UNC5C: variants seen among roughly 807,000 people sequenced by gnomAD.
UNC5C encodes the protein unc-5 netrin receptor C, also known as netrin receptor UNC5C.
A neutral mutation model predicts 99.8 loss-of-function variants in UNC5C; 47 were observed. That is an observed-to-expected ratio of 0.47 (90% CI 0.37 to 0.60). The LOEUF is 0.60. Ranked by LOEUF, UNC5C falls within the 20% of genes least tolerant of loss-of-function variation. The pLI is 0.00. For missense variants in UNC5C, 1,062 were observed against 1,165.9 expected (o/e 0.91, Z 1.30); for synonymous variants, 487 against 452.2 (o/e 1.08, Z -0.98).
intron 7 of UNC5C, among the ~76,000 whole-genome samples, chr4:95,232,148 A>G (rs1252558861): frequency 2.0e-5 from 3 of 151,972 alleles, no homozygotes; most frequent in African/African-American, 7.2e-5. Context: ...ATTAATATCA[A>G]ACTCATAGAT....
At chr4:95,206,902 C>CA (rs1737898890) in intron 10 of UNC5C, 106 bp from the exon 11 acceptor site, 17 of 510,856 alleles carry the variant, frequency 3.3e-5, no homozygotes, top group Non-Finnish European at 6.0e-6. Flanking sequence ...TCCTGGAATT[C>CA]TTTTTTTTTT....
chr4:95,198,898 A>G (rs1737540394), intron 12 of UNC5C, among the ~76,000 whole-genome samples: 1 of 152,216 alleles, frequency 6.6e-6, no homozygotes, highest in Non-Finnish European at 1.5e-5. Context: ...GATTTGGGAA[A>G]GTGTTTAGGA....
intron 1 of UNC5C, among the ~76,000 whole-genome samples, chr4:95,367,149 G>A (rs1007415774): frequency 2.0e-5 from 3 of 150,252 alleles, no homozygotes; most frequent in East Asian, 2.0e-4. Context: ...TCACTGGTAC[G>A]TCAGACCTAG....
At chr4:95,408,924 C>T (rs938623555) in intron 1 of UNC5C, among the ~76,000 whole-genome samples, 1 of 152,164 alleles carries the variant, frequency 6.6e-6, no homozygotes, top group Non-Finnish European at 1.5e-5. Flanking sequence ...ATTTGACTCA[C>T]ACCCACATCA....
chr4:95,375,800 G>A (rs757259658), intron 1 of UNC5C, among the ~76,000 whole-genome samples: 22 of 152,090 alleles, frequency 1.4e-4, no homozygotes, highest in Admixed American at 1.2e-3. Flanking sequence ...AGAATAGGCC[G>A]GGCGTGGTGG....
chr4:95,518,048 T>C (rs1278894282), intron 1 of UNC5C, among the ~76,000 whole-genome samples: 1 of 152,188 alleles, frequency 6.6e-6, no homozygotes, highest in Non-Finnish European at 1.5e-5. Context: ...TCTTTTTTCC[T>C]TAATGAGGAG....
chr4:95,396,861 T>C (rs988041035), intron 1 of UNC5C, among the ~76,000 whole-genome samples: 3 of 152,220 alleles, frequency 2.0e-5, no homozygotes, highest in African/African-American at 7.2e-5. Flanking sequence ...ATTTAGCTTA[T>C]TTAATCTTCA....
At chr4:95,430,912 G>A (rs749055345) in intron 1 of UNC5C, among the ~76,000 whole-genome samples, 2 of 152,004 alleles carry the variant, frequency 1.3e-5, no homozygotes, top group African/African-American at 4.8e-5. Context: ...CTTGAACATG[G>A]CTTTGAGGAA....
chr4:95,293,038 C>T (rs1021759362), intron 3 of UNC5C, among the ~76,000 whole-genome samples: 29 of 152,176 alleles, frequency 1.9e-4, no homozygotes, highest in Admixed American at 3.9e-4. Flanking sequence ...AGGGTTGAGG[C>T]CCGGATAGAC....
chr4:95,476,212 C>G (rs546844261), intron 1 of UNC5C, among the ~76,000 whole-genome samples: 3 of 152,132 alleles, frequency 2.0e-5, no homozygotes, highest in Non-Finnish European at 2.9e-5. Context: ...GCAGATTGCT[C>G]CATTAATGAG....
chr4:95,503,284 G>A (rs1456175479), intron 1 of UNC5C, among the ~76,000 whole-genome samples: 1 of 151,972 alleles, frequency 6.6e-6, no homozygotes, highest in South Asian at 2.1e-4. Context: ...CAGCAAGAAG[G>A]CCCTAGAAAG....
At chr4:95,373,321 A>G (rs1414592586) in intron 1 of UNC5C, among the ~76,000 whole-genome samples, 2 of 151,506 alleles carry the variant, frequency 1.3e-5, no homozygotes, top group Non-Finnish European at 2.9e-5. Context: ...ATTTCCTAAC[A>G]TTTTCTCCCT....
chr4:95,478,497 T>C (rs554176161), intron 1 of UNC5C, among the ~76,000 whole-genome samples: 1 of 152,108 alleles, frequency 6.6e-6, no homozygotes, highest in African/African-American at 2.4e-5. Flanking sequence ...ATCTCTCTTG[T>C]TATCTTTAGG....
intron 3 of UNC5C, among the ~76,000 whole-genome samples, chr4:95,294,901 G>T (rs1371906415): frequency 6.6e-6 from 1 of 152,036 alleles, no homozygotes; most frequent in Non-Finnish European, 1.5e-5. Flanking sequence ...TCTTTTTCAT[G>T]CTATGGTTGA....
chr4:95,248,660 G>A lies in UNC5C; in HGVS notation c.775+1827C>T, dbSNP rs1182712465. The A allele has an allele frequency of 7.0e-4, 307 of 435,698 alleles. 2 individuals are homozygous for A. The highest frequency in any genetic ancestry group is 9.6e-5 in the Non-Finnish European group (21 of 218,634). The allele number at this position is 435,698 out of a possible 1,614,324, so 27.0% of individuals were successfully genotyped here. The stretch of plus-strand genomic sequence containing the variant: ...TCAATATGCCAAGTGGCATATTTTG[G>A]GGTGACAAATTCTTAACTCCTTCAG... On this transcript the variant is annotated intron_variant, in intron 5 of 15. Transcript: ENST00000453304.
intron 7 of UNC5C, among the ~76,000 whole-genome samples, chr4:95,240,783 C>A (rs1739303522): frequency 6.6e-6 from 1 of 152,130 alleles, no homozygotes; most frequent in Non-Finnish European, 1.5e-5. Context: ...GATCTAGAAG[C>A]TAAGGGGTTG....
intron 4 of UNC5C, among the ~76,000 whole-genome samples, chr4:95,270,578 T>C (rs1740621651): frequency 6.6e-6 from 1 of 152,238 alleles, no homozygotes; most frequent in Non-Finnish European, 1.5e-5. Context: ...TCTAGCTTAT[T>C]GCTTTTGAGG....
chr4:95,169,162 G>A lies in UNC5C; in HGVS notation c.*72C>T. 6.3e-7 allele frequency: 1 copy of A among 1,580,918 alleles called. No homozygotes were observed. Among genetic ancestry groups the A allele is most frequent in the Non-Finnish European group, 8.6e-7 (1 of 1,158,062 alleles). Reference sequence around the variant, plus strand: ...TGGTCTCATCTGGATTTCCTCCTCAGCTGTGATTCACCTGGACGGCCACAG... The same window carrying A: ...TGGTCTCATCTGGATTTCCTCCTCAACTGTGATTCACCTGGACGGCCACAG... On this transcript the variant is annotated 3_prime_UTR_variant, in exon 16 of 16. Coordinates refer to ENST00000453304, the MANE Select transcript of UNC5C (RefSeq NM_003728.4).
chr4:95,392,401 G>A (rs1452324194), intron 1 of UNC5C, among the ~76,000 whole-genome samples: 1 of 149,402 alleles, frequency 6.7e-6, no homozygotes, highest in African/African-American at 2.5e-5. Flanking sequence ...CTTAACAAAG[G>A]AATTTTTAAG....
Sources: allele counts gnomAD v4.1 joint callset (sites outside exome capture counted in the v4.1 genomes callset), GRCh38; gene constraint gnomAD v4.1.1; transcripts MANE v1.5; gene names NCBI Gene and HGNC (gene_info 2026-07-23, HGNC 2026-07-21).